ZNF665: variants seen among roughly 807,000 people sequenced by gnomAD.
ZNF665 encodes the protein zinc finger protein 665.
A neutral mutation model predicts 7.9 loss-of-function variants in ZNF665; 6 were observed. The ratio of observed to expected loss-of-function variants is 0.76; its 90% CI spans 0.42 to 1.50. The LOEUF is 1.50. ZNF665 is among the 40% of genes most tolerant of loss of function. The probability of loss-of-function intolerance (pLI) is 0.01; values close to 1 mark genes in which losing one functional copy is unlikely to be tolerated. For synonymous variants in ZNF665, 242 were observed against 274.5 expected (o/e 0.88, Z 1.17); for missense variants, 819 against 806.7 (o/e 1.02, Z -0.18).
chr19:53,191,053 T>A (rs1357689973), intron 1 of ZNF665, among the ~76,000 whole-genome samples: 1 of 152,160 alleles, frequency 6.6e-6, no homozygotes, highest in Non-Finnish European at 1.5e-5. Context: ...AATCCCAAAT[T>A]TATACTCAAT....
chr19:53,185,051 C>T (rs568964442), intron 1 of ZNF665, among the ~76,000 whole-genome samples: 12 of 152,146 alleles, frequency 7.9e-5, no homozygotes, highest in East Asian at 5.8e-4. Context: ...AACATGAAGG[C>T]GGACTAGGAG....
chr19:53,181,720 C>T (rs544041010), intron 2 of ZNF665: 2 of 152,198 alleles, frequency 1.3e-5, no homozygotes, highest in East Asian at 1.9e-4. Context: ...GTTTCCAGAC[C>T]TATTTAAAGA....
At chr19:53,177,530 G>A (rs1408833670) in intron 2 of ZNF665, among the ~76,000 whole-genome samples, 2 of 142,314 alleles carry the variant, frequency 1.4e-5, no homozygotes, top group Admixed American at 7.1e-5. Flanking sequence ...CTGGGCAACA[G>A]GGAGACAAAC....
chr19:53,176,891 G>A (rs1040088774), intron 2 of ZNF665, among the ~76,000 whole-genome samples: 2 of 152,290 alleles, frequency 1.3e-5, no homozygotes, highest in Non-Finnish European at 2.9e-5. Context: ...AGGCCAAGGC[G>A]GGTGGATCAC....
chr19:53,171,526 T>TATATATA (rs1404974938), intron 3 of ZNF665, among the ~76,000 whole-genome samples: 179 of 36,318 alleles, frequency 4.9e-3, no homozygotes, highest in East Asian at 0.025. Context: ...ATATATATAT[T>TATATATA]TTTTTTTTTT....
chr19:53,180,710 C>G (rs1301433249), intron 2 of ZNF665: 2 of 152,014 alleles, frequency 1.3e-5, no homozygotes, highest in Admixed American at 1.3e-4. Flanking sequence ...AACTGAAATG[C>G]ATGAATTGTA....
chr19:53,177,299 T>C (rs2090705660), intron 2 of ZNF665, among the ~76,000 whole-genome samples: 1 of 151,748 alleles, frequency 6.6e-6, no homozygotes, highest in Admixed American at 6.6e-5. Flanking sequence ...AATAAATAAA[T>C]ATACAGATAC....
intron 2 of ZNF665, chr19:53,179,570 G>A (rs1025029604): frequency 2.6e-5 from 4 of 151,804 alleles, no homozygotes; most frequent in African/African-American, 7.3e-5. Context: ...ACCCAGGGAG[G>A]GCAGGGAAGC....
At chr19:53,173,022 T>C (rs145163239) in intron 3 of ZNF665, among the ~76,000 whole-genome samples, 2 of 152,166 alleles carry the variant, frequency 1.3e-5, no homozygotes, top group Non-Finnish European at 2.9e-5. Context: ...AATTGTTCCC[T>C]TTGCAGTGCA....
rs1004123863 is a variant in ZNF665, at chr19:53,165,412, A to G, written c.1078T>C (p.Tyr360His). 1.7e-5 allele frequency: 27 copies of G among 1,612,726 alleles called. No individual in the cohort carries two copies. The Middle Eastern group carries it at 6.6e-4, about 39-fold the overall frequency. ...ECGKVFRHNS[Y>H]LAKHRRIHTG... Reference sequence around the variant, plus strand: ...TGAATTCGCCGATGCTTTGCAAGGTATGAATTGTGCCTGAAGACCTTGCCA... The same window carrying G: ...TGAATTCGCCGATGCTTTGCAAGGTGTGAATTGTGCCTGAAGACCTTGCCA... The change falls in exon 4 of 4, where the codon TAC becomes CAC. Residue 360 changes from tyrosine (Y) to histidine (H), a missense_variant. By Grantham distance (83) the Tyr-to-His change is moderately conservative. Coordinates refer to ENST00000396424, the MANE Select transcript of ZNF665 (RefSeq NM_024733.5).
intron 3 of ZNF665, among the ~76,000 whole-genome samples, chr19:53,171,524 A>ATTTTTTTT (rs1215685651): frequency 8.7e-5 from 6 of 69,318 alleles, no homozygotes; most frequent in African/African-American, 2.6e-4. Flanking sequence ...ATATATATAT[A>ATTTTTTTT]TTTTTTTTTT....
chr19:53,184,479 GA>G (rs1261027796), intron 1 of ZNF665, among the ~76,000 whole-genome samples: 1 of 152,130 alleles, frequency 6.6e-6, no homozygotes. Flanking sequence ...TACGAAGGTG[GA>G]GATGCCTGTT....
Position 53,165,637 on chromosome 19 carries a change from T to C in ZNF665, c.853A>G (p.Thr285Ala). 6.2e-7 allele frequency: 1 copy of C among 1,614,186 alleles called. No homozygotes were observed. The highest frequency in any genetic ancestry group is 8.5e-7 in the Non-Finnish European group (1 of 1,180,036). ...TTACATTTGTAAGGTTTTTCTCCAG[T>C]ATGGATGACCTGATGTGTAGTTAGT... ...SKLTTHQVIH[T>A]GEKPYKCKEC... The change falls in exon 4 of 4, where the codon ACT (threonine) becomes GCT (alanine). Residue 285 changes from threonine (T) to alanine (A), a missense_variant. Thr to Ala is a moderately conservative substitution (Grantham distance 58). Transcript: ENST00000396424.
chr19:53,193,343 C>G lies in ZNF665; in HGVS notation c.-77G>C, dbSNP rs907784745. On this transcript the variant is annotated 5_prime_UTR_variant, in exon 1 of 4. Coordinates refer to ENST00000396424, the MANE Select transcript of ZNF665 (RefSeq NM_024733.5). ...ACTAACAGCCTTCACTCCAAGAGAT[C>G]TGCTTCCGGGTTTGCAAGAAACTGC... The G allele has an allele frequency of 2.0e-5, 3 of 151,306 alleles. No homozygotes were observed. The highest frequency in any genetic ancestry group is 2.9e-5 in the Non-Finnish European group (2 of 68,116). The allele number at this position is 151,306 out of a possible 1,614,324, so 9.4% of individuals were successfully genotyped here. A position where few individuals can be genotyped will look rare whatever the true frequency, so the allele number is the denominator to read the frequency against.
At chr19:53,171,232 T>C (rs1470975668) in intron 3 of ZNF665, among the ~76,000 whole-genome samples, 1 of 151,934 alleles carries the variant, frequency 6.6e-6, no homozygotes, top group East Asian at 1.9e-4. Flanking sequence ...ATGATCTGCC[T>C]ACCTTGGCCT....
intron 1 of ZNF665, among the ~76,000 whole-genome samples, chr19:53,189,944 G>A (rs946890701): frequency 6.6e-6 from 1 of 152,122 alleles, no homozygotes; most frequent in South Asian, 2.1e-4. Context: ...CAGAAGGCTC[G>A]CACTCTTGTC....
At chr19:53,172,204 A>G (rs2090663519) in intron 3 of ZNF665, among the ~76,000 whole-genome samples, 2 of 152,134 alleles carry the variant, frequency 1.3e-5, no homozygotes, top group Non-Finnish European at 1.5e-5. Flanking sequence ...AAAATTTCCA[A>G]TATATTTACT....
rs372743564 is a variant in ZNF665, at chr19:53,164,764, C to T, written c.1726G>A (p.Gly576Ser). 6.2e-5 allele frequency: 100 copies of T among 1,614,184 alleles called. 2 individuals are homozygous for T. Among genetic ancestry groups the T allele is most frequent in the African/African-American group, 4.3e-4 (32 of 75,036 alleles). ...TTTGAATGTACACTAAATGCTTTGC[C>T]GCACTCATTACACTTATAAGGTTTC... ...GEKPYKCNEC[G>S]KAFSVHSNLA... is the part of the protein sequence containing the mutation. The change falls in exon 4 of 4, where the codon GGC becomes AGC. Residue 576 changes from glycine (G) to serine (S), a missense_variant. Coordinates refer to ENST00000396424, the MANE Select transcript of ZNF665 (RefSeq NM_024733.5).
intron 2 of ZNF665, 115 bp downstream of exon 2, chr19:53,182,769 G>A: frequency 6.5e-7 from 1 of 1,531,856 alleles, no homozygotes; most frequent in Non-Finnish European, 9.0e-7. Context: ...GCACGAGTGA[G>A]TGCGAGCAAA....
Sources: gnomAD v4.1 joint callset for allele counts (sites outside exome capture counted in the v4.1 genomes callset) on GRCh38, gnomAD v4.1.1 for gene constraint, MANE v1.5 for transcripts, NCBI Gene and HGNC (gene_info 2026-07-23, HGNC 2026-07-21) for gene names.